ADAMTS20: variants seen among roughly 807,000 people sequenced by gnomAD.
ADAMTS20 encodes the protein A disintegrin and metalloproteinase with thrombospondin motifs 20.
Under a neutral mutation model 260.1 loss-of-function variants are expected in ADAMTS20, and 225 were observed. The ratio of observed to expected loss-of-function variants is 0.87; its 90% CI spans 0.78 to 0.97. ADAMTS20 has a LOEUF of 0.97. Among genes scored for constraint, ADAMTS20 ranks in the 50% least tolerant of loss-of-function variants. The pLI, the probability that ADAMTS20 is intolerant of heterozygous loss-of-function variation, is 0.00. For missense variants in ADAMTS20, 2,400 were observed against 2,337.7 expected (o/e 1.03, Z -0.55); for synonymous variants, 802 against 769.5 (o/e 1.04, Z -0.70).
At chr12:43,455,911 G>A (rs1941956789) in intron 11 of ADAMTS20, among the ~76,000 whole-genome samples, 1 of 152,082 alleles carries the variant, frequency 6.6e-6, no homozygotes, top group African/African-American at 2.4e-5. Context: ...GTTTCACCAT[G>A]TTGGCCAGGA....
At chr12:43,371,515 T>C (rs746489359) in intron 36 of ADAMTS20, among the ~76,000 whole-genome samples, 2 of 151,970 alleles carry the variant, frequency 1.3e-5, no homozygotes, top group Non-Finnish European at 2.9e-5. Context: ...AAGCAGATAA[T>C]AGAATGGGGA....
At chr12:43,523,230 C>G (rs754026115) in intron 3 of ADAMTS20, among the ~76,000 whole-genome samples, 3 of 152,134 alleles carry the variant, frequency 2.0e-5, no homozygotes, top group Non-Finnish European at 4.4e-5. Flanking sequence ...AGAGCTGGAA[C>G]TGATTTAAGG....
At chr12:43,439,317 G>A (rs1311645403) in intron 18 of ADAMTS20, among the ~76,000 whole-genome samples, 1 of 152,274 alleles carries the variant, frequency 6.6e-6, no homozygotes, top group South Asian at 2.1e-4. Flanking sequence ...CAGGAAGCAG[G>A]ATATATATAA....
At chr12:43,536,989 ATATCT>A (rs1943304325) in intron 2 of ADAMTS20, among the ~76,000 whole-genome samples, 1 of 152,226 alleles carries the variant, frequency 6.6e-6, no homozygotes, top group Non-Finnish European at 1.5e-5. Flanking sequence ...TTAATCACAA[ATATCT>A]TAATATAGAG....
At chr12:43,418,639 G>A (rs779103390) in intron 28 of ADAMTS20, among the ~76,000 whole-genome samples, 2 of 152,136 alleles carry the variant, frequency 1.3e-5, no homozygotes, top group Non-Finnish European at 2.9e-5. Flanking sequence ...AAACTTTGAA[G>A]CAAACATTTC....
intron 4 of ADAMTS20, among the ~76,000 whole-genome samples, chr12:43,495,151 C>T (rs550965408): frequency 6.6e-6 from 1 of 152,198 alleles, no homozygotes; most frequent in Non-Finnish European, 1.5e-5. Context: ...GATGCTGCAC[C>T]TTTATTTAAA....
rs1336078925 is a variant in ADAMTS20 at position 43,446,729 on chromosome 12, CAATCAATATTAT to C, written c.2080-29_2080-18del. On this transcript the variant is annotated intron_variant, in intron 14 of 38. Transcript: ENST00000389420. The stretch of plus-strand genomic sequence containing the variant: ...ACCAGCTGCCTTCAAGACACAATTA[CAATCAATATTAT>C]AAGAATGACTAATTATGAAGAAAAG... 1.8e-5 allele frequency: 28 copies of C among 1,573,236 alleles called. No individual in the cohort carries two copies. The highest frequency in any genetic ancestry group is 2.3e-5 in the Non-Finnish European group (26 of 1,143,998).
At chr12:43,360,623 A>T (rs1939846773) in intron 37 of ADAMTS20, among the ~76,000 whole-genome samples, 1 of 152,180 alleles carries the variant, frequency 6.6e-6, no homozygotes, top group Admixed American at 6.5e-5. Flanking sequence ...AACACATAAT[A>T]AATATTATGT....
At chr12:43,397,081 A>G (rs1240113716) in intron 29 of ADAMTS20, among the ~76,000 whole-genome samples, 2 of 152,186 alleles carry the variant, frequency 1.3e-5, no homozygotes, top group African/African-American at 4.8e-5. Context: ...ACCTCTATCC[A>G]GATCAAGTAA....
chr12:43,422,424 C>T (rs1448134294), intron 28 of ADAMTS20, among the ~76,000 whole-genome samples: 1 of 151,864 alleles, frequency 6.6e-6, no homozygotes, highest in Non-Finnish European at 1.5e-5. Context: ...GTCTAATATG[C>T]ACCAACACTG....
intron 12 of ADAMTS20, 68 bp downstream of exon 12, chr12:43,453,839 T>A (rs915849226): frequency 1.2e-5 from 19 of 1,530,762 alleles, no homozygotes; most frequent in Non-Finnish European, 1.7e-5. Context: ...TAGAAGTGAG[T>A]GAAACTGATG....
intron 29 of ADAMTS20, 150 bp from the exon 30 acceptor site, chr12:43,384,127 TTACCA>T: frequency 1.2e-6 from 1 of 818,286 alleles, no homozygotes; most frequent in Non-Finnish European, 1.8e-6. Flanking sequence ...ATAAGTATTT[TTACCA>T]TTATCTCTGT....
chr12:43,542,962 G>T (rs1367867472), intron 2 of ADAMTS20, among the ~76,000 whole-genome samples: 4 of 152,136 alleles, frequency 2.6e-5, no homozygotes, highest in African/African-American at 9.7e-5. Context: ...GAAAGTTCCA[G>T]AAGGTAGAAC....
chr12:43,450,748 TGAC>T (rs773129568), intron 14 of ADAMTS20, among the ~76,000 whole-genome samples: 3 of 152,146 alleles, frequency 2.0e-5, no homozygotes, highest in Non-Finnish European at 4.4e-5. Flanking sequence ...ATTTTCAAAC[TGAC>T]AGATAACATT....
intron 18 of ADAMTS20, among the ~76,000 whole-genome samples, chr12:43,436,539 G>A (rs777619386): frequency 4.0e-5 from 6 of 151,664 alleles, no homozygotes; most frequent in Non-Finnish European, 7.4e-5. Context: ...TATATTTTAC[G>A]TTCTTTTTTC....
intron 28 of ADAMTS20, among the ~76,000 whole-genome samples, chr12:43,417,353 T>A (rs1426548680): frequency 3.3e-5 from 5 of 152,244 alleles, no homozygotes; most frequent in Non-Finnish European, 5.9e-5. Context: ...AATATTTCAT[T>A]TAATTCTTAC....
chr12:43,421,280 T>TCCAAAAA (rs1941229269), intron 28 of ADAMTS20, among the ~76,000 whole-genome samples: 1 of 27,018 alleles, frequency 3.7e-5, no homozygotes, highest in Admixed American at 4.4e-4. Context: ...AGCTTTCATT[T>TCCAAAAA]ACAAAAAAAA....
In ADAMTS20 at chr12:43,502,251, T is replaced by C; in HGVS notation, c.768A>G (p.Ser256=). 6.2e-7 allele frequency: 1 copy of C among 1,612,058 alleles called. No individual in the cohort carries two copies. Among genetic ancestry groups the C allele is most frequent in the Non-Finnish European group, 8.5e-7 (1 of 1,179,212 alleles). The change falls in exon 4 of 39, where the codon TCA becomes TCG. Residue 256 remains serine (S), a synonymous_variant. Transcript: ENST00000389420. ...CCATAATTTCAATGTATCTTGGATA[T>C]GATATAAGACGTTTTTTCCTGGAAT... ...RRHSRKKRLI[S]YPRYIEIMVT... is the part of the protein sequence containing the mutation.
rs116271780 is a variant in ADAMTS20 at position 43,401,820 on chromosome 12, G to C, written c.4285-2587C>G. ...CCAAACTTATACTCCTTGCTTTCTTGATCCACCAAATTTTAGTCAACATGC... is the reference window on the plus strand; with the variant it reads ...CCAAACTTATACTCCTTGCTTTCTTCATCCACCAAATTTTAGTCAACATGC... On this transcript the variant is annotated intron_variant, in intron 28 of 38. Transcript: ENST00000389420. Among the ~76,000 whole-genome samples the C allele has an allele frequency of 4.6e-3, 681 of 146,998 alleles. 5 individuals carry two copies. The highest frequency in any genetic ancestry group is 0.016 in the African/African-American group (654 of 39,906).
Sources: allele counts gnomAD v4.1 joint callset (sites outside exome capture counted in the v4.1 genomes callset), GRCh38; gene constraint gnomAD v4.1.1; transcripts MANE v1.5; gene names NCBI Gene and HGNC (gene_info 2026-07-23, HGNC 2026-07-21).